Variants in ANO1 observed in about 807,000 individuals in gnomAD.
ANO1 encodes anoctamin-1.
ANO1 carries 59 observed loss-of-function variants against 124.0 expected under a neutral mutation model. That is an observed-to-expected ratio of 0.48 (90% CI 0.39 to 0.59). The LOEUF (loss-of-function observed/expected upper bound fraction) is 0.59, where lower values mean the gene tolerates loss of function less well. Among genes scored for constraint, ANO1 ranks in the 20% least tolerant of loss-of-function variants. ANO1 has a pLI of 0.00. For synonymous variants in ANO1, 529 were observed against 532.0 expected (o/e 0.99, Z 0.08); for missense variants, 1,059 against 1,328.0 (o/e 0.80, Z 3.15).
chr11:70,036,202 C>A (rs1185226839), intron 1 of ANO1, among the ~76,000 whole-genome samples: 1 of 152,162 alleles, frequency 6.6e-6, no homozygotes, highest in Non-Finnish European at 1.5e-5. Flanking sequence ...TCCTTCCTTG[C>A]CCCGTACAGT....
intron 5 of ANO1, among the ~76,000 whole-genome samples, chr11:70,106,619 C>T (rs561985278): frequency 6.6e-6 from 1 of 152,306 alleles, no homozygotes; most frequent in East Asian, 1.9e-4. Flanking sequence ...GGGCATCTCT[C>T]TCCCAGAGAC....
rs765756418 is a variant in ANO1 at position 70,127,673 on chromosome 11, G to A, written c.1097+1478G>A. On this transcript the variant is annotated intron_variant, in intron 10 of 25. Coordinates refer to ENST00000355303, the MANE Select transcript of ANO1 (RefSeq NM_018043.7). The stretch of plus-strand genomic sequence containing the variant: ...GTCTCACCACTGCACTCCAGCCTGG[G>A]GGAACAGAGTGGGGCCCTGTAGCCA... 2.3e-4 allele frequency among the ~76,000 whole-genome samples: 35 copies of A among 152,184 alleles called. 1 individual carries two copies. Among genetic ancestry groups the A allele is most frequent in the Non-Finnish European group, 4.7e-4 (32 of 68,034 alleles).
At chr11:70,164,402 C>T (rs1223624606) in intron 19 of ANO1, among the ~76,000 whole-genome samples, 3 of 152,218 alleles carry the variant, frequency 2.0e-5, no homozygotes, top group Non-Finnish European at 4.4e-5. Flanking sequence ...AAGACACGGG[C>T]CTCCTCCACA....
chr11:70,029,710 C>G (rs1266956754), intron 1 of ANO1, among the ~76,000 whole-genome samples: 2 of 152,216 alleles, frequency 1.3e-5, no homozygotes, highest in African/African-American at 4.8e-5. Context: ...TGTTCTCCCA[C>G]GGTTCTGGAG....
At chr11:70,045,690 A>G (rs375789947) in intron 1 of ANO1, among the ~76,000 whole-genome samples, 31 of 152,018 alleles carry the variant, frequency 2.0e-4, no homozygotes, top group African/African-American at 7.2e-4. Context: ...GAAGATCTTC[A>G]CTTTCCAAGG....
intron 2 of ANO1, among the ~76,000 whole-genome samples, chr11:70,095,374 G>GAGAAAGAA: frequency 3.0e-5 from 1 of 32,962 alleles, no homozygotes; most frequent in African/African-American, 8.5e-5. Context: ...AAGAAAGAAA[G>GAGAAAGAA]AAAGAAAGAA....
chr11:70,101,498 G>A (rs1052080090), intron 2 of ANO1, among the ~76,000 whole-genome samples: 12 of 148,712 alleles, frequency 8.1e-5, no homozygotes, highest in Admixed American at 7.5e-4. Context: ...GGAGGTTGCA[G>A]TGAGCTGAGA....
intron 1 of ANO1, among the ~76,000 whole-genome samples, chr11:69,997,603 T>C (rs575225680): frequency 2.0e-5 from 3 of 152,302 alleles, no homozygotes; most frequent in African/African-American, 4.8e-5. Context: ...TTTGGAGCTG[T>C]GTCCCGCCCA....
chr11:70,152,356 AAG>A, intron 12 of ANO1, 92 bp from the exon 13 acceptor site: 4 of 1,026,046 alleles, frequency 3.9e-6, no homozygotes, highest in Admixed American at 2.6e-5. Flanking sequence ...AAAAAAAAAA[AAG>A]TTGTCCTTAG....
intron 1 of ANO1, among the ~76,000 whole-genome samples, chr11:70,079,615 G>C (rs1180903680): frequency 6.6e-6 from 1 of 152,194 alleles, no homozygotes; most frequent in African/African-American, 2.4e-5. Flanking sequence ...GAAGCTCTCA[G>C]CAGCAATTTG....
chr11:70,120,281 A>G (rs1226195238), intron 8 of ANO1, among the ~76,000 whole-genome samples: 2 of 152,048 alleles, frequency 1.3e-5, no homozygotes, highest in African/African-American at 2.4e-5. Context: ...AACATGTAGG[A>G]GTACTTGGGA....
At chr11:70,072,529 C>A (rs893666196) in intron 1 of ANO1, 1 of 152,234 alleles carries the variant, frequency 6.6e-6, no homozygotes, top group Admixed American at 6.5e-5. Flanking sequence ...GCCTCACAGT[C>A]GGCCCAGGAG....
rs534720132 is a variant in ANO1, at chr11:70,146,706, C to T, written c.1259-3004C>T. Among the ~76,000 whole-genome samples, 7 of 152,200 alleles carry T rather than the reference C, an allele frequency of 4.6e-5. No homozygotes were observed. In the South Asian group the frequency reaches 1.5e-3, roughly 32 times the overall value. On this transcript the variant is annotated intron_variant, in intron 11 of 25. Transcript: ENST00000355303. ...CCCAAAACCCCAAAAGTAGGAAAGC[C>T]GACAGTGCAGCCTTCAGTCTATGGT...
intron 1 of ANO1, among the ~76,000 whole-genome samples, chr11:70,017,802 G>A (rs782152359): frequency 6.6e-6 from 1 of 152,076 alleles, no homozygotes; most frequent in African/African-American, 2.4e-5. Context: ...TTACAGGCAT[G>A]AGCCACAGTA....
intron 14 of ANO1, among the ~76,000 whole-genome samples, chr11:70,154,712 C>T (rs1014563193): frequency 3.9e-5 from 6 of 152,076 alleles, no homozygotes; most frequent in Non-Finnish European, 8.8e-5. Flanking sequence ...AGGTGATCCA[C>T]CCGCCTCAGT....
At chr11:70,159,063 G>A (rs1319854032) in intron 16 of ANO1, among the ~76,000 whole-genome samples, 3 of 152,216 alleles carry the variant, frequency 2.0e-5, no homozygotes, top group African/African-American at 7.2e-5. Flanking sequence ...CCAGTGCGGG[G>A]CCGGGAAGGA....
chr11:69,996,870 G>C (rs113857489), intron 1 of ANO1, among the ~76,000 whole-genome samples: 9,609 of 152,320 alleles, frequency 0.063, 472 homozygotes, highest in African/African-American at 0.13. Context: ...CTCTGTAACA[G>C]AATGCCAGAT....
intron 10 of ANO1, among the ~76,000 whole-genome samples, chr11:70,130,839 C>T (rs936446394): frequency 1.4e-4 from 22 of 152,234 alleles, no homozygotes; most frequent in Admixed American, 1.0e-3. Flanking sequence ...GGGACCTATT[C>T]CTTCCGGCCC....
intron 1 of ANO1, among the ~76,000 whole-genome samples, chr11:70,022,337 G>T (rs191878286): frequency 5.3e-5 from 8 of 152,144 alleles, no homozygotes; most frequent in African/African-American, 1.7e-4. Flanking sequence ...GGTGGCTCAC[G>T]CCTGTCATCC....
Sources: gnomAD v4.1 joint callset for allele counts (sites outside exome capture counted in the v4.1 genomes callset) on GRCh38, gnomAD v4.1.1 for gene constraint, MANE v1.5 for transcripts, NCBI Gene and HGNC (gene_info 2026-07-23, HGNC 2026-07-21) for gene names.